The following PLXNC1 variants were observed in gnomAD, a reference collection of about 807,000 sequenced individuals.
The protein encoded by PLXNC1 is plexin-C1.
In PLXNC1, 75 loss-of-function variants were observed where a neutral mutation model predicts 178.2. The observed-to-expected ratio is 0.42, with a 90% CI of 0.35 to 0.51. PLXNC1 has a LOEUF of 0.51. Among genes scored for constraint, PLXNC1 ranks in the 20% least tolerant of loss-of-function variants. The pLI is 0.02. For synonymous variants in PLXNC1, 790 were observed against 779.9 expected, an observed-to-expected ratio of 1.01 and a Z score of -0.22; for missense variants, 1,503 against 1,984.4, an observed-to-expected ratio of 0.76 and a Z score of 4.61.
intron 1 of PLXNC1, among the ~76,000 whole-genome samples, chr12:94,155,582 T>C (rs968796528): frequency 1.3e-5 from 2 of 152,224 alleles, no homozygotes; most frequent in Non-Finnish European, 2.9e-5. Context: ...TGATATTCCT[T>C]ATTCCCTCCT....
At position 94,149,875 on chromosome 12, in the gene PLXNC1, G is replaced by T; in HGVS notation, c.904G>T (p.Ala302Ser). 6.3e-7 allele frequency: 1 copy of T among 1,587,504 alleles called. No homozygotes were observed. Among genetic ancestry groups the T allele is most frequent in the Non-Finnish European group, 8.6e-7 (1 of 1,167,590 alleles). Residue 302 changes from alanine to serine, a missense_variant, in exon 1 of 31, where the codon GCC (alanine) becomes TCC (serine). Physicochemically the swap from Ala to Ser is moderately conservative, Grantham distance 99. This residue lies in a region of PLXNC1 where 615 missense variants were observed against 698.6 expected (regional missense o/e 0.88). Coordinates refer to ENST00000258526, the MANE Select transcript of PLXNC1 (RefSeq NM_005761.3). The part of the protein sequence containing the change: ...RLLLSSSLVE[A>S]LDVWAGVFSA... The stretch of plus-strand genomic sequence containing the variant: ...GCTCCTCTCCTCCAGCCTAGTGGAG[G>T]CCCTGGACGTCTGGGCGGGAGTGTT...
intron 14 of PLXNC1, among the ~76,000 whole-genome samples, 156 bp from the exon 15 acceptor site, chr12:94,251,270 C>T (rs1028874836): frequency 6.6e-6 from 1 of 152,196 alleles, no homozygotes; most frequent in South Asian, 2.1e-4. Context: ...CCCAAGGACA[C>T]ATAGCTAATC....
intron 11 of PLXNC1, among the ~76,000 whole-genome samples, chr12:94,241,360 A>G (rs1374388779): frequency 6.6e-6 from 1 of 152,172 alleles, no homozygotes; most frequent in African/African-American, 2.4e-5. Flanking sequence ...TCTGTTAGGA[A>G]CATTCCAATT....
chr12:94,240,435 T>C (rs1259977835), intron 10 of PLXNC1, 50 bp from the exon 11 acceptor site: 16 of 1,391,814 alleles, frequency 1.1e-5, no homozygotes, highest in Non-Finnish European at 1.2e-5. Flanking sequence ...GGTAATCAAC[T>C]GTGCTAAGTG....
chr12:94,279,750 T>A (rs1346710654), intron 22 of PLXNC1, 101 bp downstream of exon 22: 10 of 1,041,792 alleles, frequency 9.6e-6, no homozygotes, highest in African/African-American at 1.6e-5. Context: ...CCAGCTTCCA[T>A]TCAGTGACAC....
At position 94,260,607 on chromosome 12, in the gene PLXNC1, C is replaced by T. The variant is rs1261273645; in HGVS notation, c.3252-35C>T. 15 of 1,533,570 alleles carry T rather than the reference C, an allele frequency of 9.8e-6. No homozygotes were observed. Among genetic ancestry groups the T allele is most frequent in the Non-Finnish European group, 1.2e-5 (13 of 1,110,942 alleles). The allele number at this position is 1,533,570 out of a possible 1,614,324, so 95.0% of individuals were successfully genotyped here. ...TCCCATGGGTGTCCAGCTAGGCCTG[C>T]AGCCAATGGTTCACCCAGCTCTCTT... On this transcript the variant is annotated intron_variant, in intron 19 of 30. Transcript: ENST00000258526. The surrounding 1 kb of genome is among the most constrained non-coding windows in gnomAD (Gnocchi z 4.4).
intron 1 of PLXNC1, among the ~76,000 whole-genome samples, chr12:94,164,538 T>C (rs1269076525): frequency 6.6e-6 from 1 of 152,176 alleles, no homozygotes; most frequent in Non-Finnish European, 1.5e-5. Flanking sequence ...CTGGAATGCA[T>C]GACTGGCACC....
At chr12:94,221,557 A>AGG (rs1963796918) in intron 6 of PLXNC1, among the ~76,000 whole-genome samples, 1 of 152,188 alleles carries the variant, frequency 6.6e-6, no homozygotes, top group South Asian at 2.1e-4. Flanking sequence ...ATGATCATTA[A>AGG]TGGAGCTGAG....
chr12:94,287,265 G>A (rs961376534), intron 23 of PLXNC1, among the ~76,000 whole-genome samples: 4 of 152,120 alleles, frequency 2.6e-5, no homozygotes, highest in Admixed American at 1.3e-4. Flanking sequence ...AAACCCTCCC[G>A]GTGCGCTTCC....
chr12:94,229,298 G>A (rs7971713), intron 9 of PLXNC1, among the ~76,000 whole-genome samples: 78,450 of 151,904 alleles, frequency 0.52, 21,657 homozygotes, highest in African/African-American at 0.73. Context: ...TGTATTCTGG[G>A]TATCAACCCC....
In PLXNC1 at chr12:94,160,226, G is replaced by A. The variant is rs4761589; in HGVS notation, c.1063-8927G>A. On this transcript the variant is annotated intron_variant, in intron 1 of 30. Coordinates refer to ENST00000258526, the MANE Select transcript of PLXNC1 (RefSeq NM_005761.3). ...ATCTTTCTTTCCCAGGCATCTATCA[G>A]GTTGGCTAACACATGGTGAGTGAGC... 8.7e-3 allele frequency among the ~76,000 whole-genome samples: 1,331 copies of A among 152,200 alleles called. 57 individuals carry two copies. The highest frequency in any genetic ancestry group is 0.081 in the East Asian group (420 of 5,160).
rs368765390 is a variant in PLXNC1 at position 94,305,830 on chromosome 12, AGTGTGT to A, written c.*554_*559del. 1 of 152,110 alleles carries A rather than the reference AGTGTGT, an allele frequency of 6.6e-6. No individual in the cohort carries two copies. The highest frequency in any genetic ancestry group is 2.4e-5 in the African/African-American group (1 of 41,378). 9.4% of individuals were successfully genotyped at this position (152,110 alleles called of 1,614,324 possible). A position where few individuals can be genotyped will look rare whatever the true frequency, so the allele number is the denominator to read the frequency against. On this transcript the variant is annotated 3_prime_UTR_variant, in exon 31 of 31. Transcript: ENST00000258526. ...TGGTAGTGTACACTTAGCATTTGTG[AGTGTGT>A]GTGTGTGTTTAAACCAAAAACTAAC...
At chr12:94,167,395 G>A (rs1961656340) in intron 1 of PLXNC1, among the ~76,000 whole-genome samples, 1 of 152,164 alleles carries the variant, frequency 6.6e-6, no homozygotes, top group Non-Finnish European at 1.5e-5. Flanking sequence ...CAGAGATAGT[G>A]GTATTAGAAC....
intron 3 of PLXNC1, among the ~76,000 whole-genome samples, chr12:94,184,652 A>G (rs1962446824): frequency 6.6e-6 from 1 of 152,096 alleles, no homozygotes; most frequent in Admixed American, 6.6e-5. Flanking sequence ...GCCTGAAGTG[A>G]TCTGTCCACC....
Position 94,175,692 on chromosome 12 carries a change from A to G in PLXNC1, c.1204-5754A>G, listed in dbSNP as rs73222668. On this transcript the variant is annotated intron_variant, in intron 2 of 30. Transcript: ENST00000258526. ...GCTGGAAAAAGCTGAAGAGCCCTAT[A>G]AAATCTTGAATGCTAATAGCGTCGT... Among the ~76,000 whole-genome samples, 1,315 of 152,386 alleles carry G rather than the reference A, an allele frequency of 8.6e-3. 10 individuals carry two copies. The highest frequency in any genetic ancestry group is 0.012 in the Non-Finnish European group (814 of 68,044).
At chr12:94,181,705 A>G in intron 3 of PLXNC1, 125 bp downstream of exon 3, 2 of 770,092 alleles carry the variant, frequency 2.6e-6, no homozygotes, top group Non-Finnish European at 4.3e-6. Flanking sequence ...GGCTTTGAGG[A>G]GACCCGCAGT....
intron 23 of PLXNC1, among the ~76,000 whole-genome samples, chr12:94,284,087 G>GAAAAAA (rs796439911): frequency 6.0e-5 from 5 of 82,696 alleles, no homozygotes; most frequent in Admixed American, 2.7e-4. Flanking sequence ...CATGTCAGGG[G>GAAAAAA]AAAAAAAAAA....
chr12:94,275,551 C>T (rs116965131), intron 21 of PLXNC1, among the ~76,000 whole-genome samples: 3 of 152,096 alleles, frequency 2.0e-5, no homozygotes, highest in South Asian at 2.1e-4. Flanking sequence ...ACTGTACTTA[C>T]GCCTTAAGAA....
chr12:94,185,358 C>A (rs1055917238), intron 3 of PLXNC1, among the ~76,000 whole-genome samples: 1 of 152,212 alleles, frequency 6.6e-6, no homozygotes, highest in South Asian at 2.1e-4. Context: ...ATTTCTCTAA[C>A]CTGCTAAAGA....
Sources: gnomAD v4.1 joint callset for allele counts (sites outside exome capture counted in the v4.1 genomes callset) on GRCh38, gnomAD v4.1.1 for gene constraint, gnomAD v4.1.1 regional missense constraint, Gnocchi (gnomAD v3.1) non-coding constraint, MANE v1.5 for transcripts, NCBI Gene and HGNC (gene_info 2026-07-23, HGNC 2026-07-21) for gene names.